XKR9: variants seen among roughly 807,000 people sequenced by gnomAD.
XKR9 encodes XK related 9.
Under a neutral mutation model 32.0 loss-of-function variants are expected in XKR9, and 32 were observed. The ratio of observed to expected loss-of-function variants is 1.00; its 90% CI spans 0.76 to 1.34. The LOEUF (loss-of-function observed/expected upper bound fraction) is 1.34. XKR9 is among the 40% of genes most tolerant of loss of function. The pLI is 0.00. For missense variants in XKR9, 546 were observed against 429.7 expected (o/e 1.27, Z -2.39); for synonymous variants, 168 against 143.4 (o/e 1.17, Z -1.22).
the XKR9 span, among the ~76,000 whole-genome samples, chr8:71,044,963 T>G: frequency 6.6e-6 from 1 of 152,210 alleles, no homozygotes; most frequent in African/African-American, 2.4e-5. Context: ...ATTTATAGAA[T>G]AATGGGATTT....
intron 3 of XKR9, among the ~76,000 whole-genome samples, chr8:70,700,435 G>T (rs1805478083): frequency 6.6e-6 from 1 of 152,164 alleles, no homozygotes; most frequent in Admixed American, 6.5e-5. Flanking sequence ...GTTGGAGTTT[G>T]CTAGAGGTCC....
chr8:70,711,963 C>T (rs1252311310), intron 4 of XKR9, among the ~76,000 whole-genome samples: 4 of 151,586 alleles, frequency 2.6e-5, no homozygotes, highest in South Asian at 4.2e-4. Flanking sequence ...AACCTGCACA[C>T]GTACCCCTTG....
At chr8:71,005,626 G>A in the XKR9 span, among the ~76,000 whole-genome samples, 1 of 152,182 alleles carries the variant, frequency 6.6e-6, no homozygotes, top group Non-Finnish European at 1.5e-5. Flanking sequence ...ATGTCTAGAA[G>A]TGGAAAATAT....
intron 2 of XKR9, among the ~76,000 whole-genome samples, chr8:70,765,558 C>G (rs1419982810): frequency 6.6e-6 from 1 of 152,098 alleles, no homozygotes; most frequent in Non-Finnish European, 1.5e-5. Context: ...CTTTCCTGTT[C>G]TGTAGGTTGC....
At chr8:70,931,029 T>A in the XKR9 span, among the ~76,000 whole-genome samples, 1 of 152,168 alleles carries the variant, frequency 6.6e-6, no homozygotes, top group African/African-American at 2.4e-5. Context: ...TTAATTACTC[T>A]TGGTAGTAGA....
intron 2 of XKR9, among the ~76,000 whole-genome samples, chr8:70,741,095 G>T (rs1029521157): frequency 6.6e-6 from 1 of 152,272 alleles, no homozygotes; most frequent in Non-Finnish European, 1.5e-5. Flanking sequence ...AGGCAGGCAG[G>T]CCTCCTTGAG....
intron 1 of XKR9, among the ~76,000 whole-genome samples, chr8:70,673,166 A>G (rs1818773499): frequency 2.0e-5 from 3 of 152,096 alleles, no homozygotes; most frequent in South Asian, 2.1e-4. Context: ...TTTTACCAAT[A>G]TTTTCTTCTA....
chr8:70,688,725 T>TC (rs1819402377), intron 3 of XKR9, among the ~76,000 whole-genome samples: 1 of 151,784 alleles, frequency 6.6e-6, no homozygotes, highest in African/African-American at 2.4e-5. Flanking sequence ...CTTTTTTTTT[T>TC]TTTTGAAATT....
the XKR9 span, among the ~76,000 whole-genome samples, chr8:70,843,737 C>A: frequency 6.6e-6 from 1 of 152,150 alleles, no homozygotes; most frequent in Non-Finnish European, 1.5e-5. Context: ...GCAGCTTTTG[C>A]AGGCCCTAGG....
the XKR9 span, among the ~76,000 whole-genome samples, chr8:70,961,222 A>G: frequency 0.15 from 22,345 of 152,114 alleles, 2,130 homozygotes; most frequent in Middle Eastern, 0.22. Context: ...TGGAAAGTCA[A>G]GTCAGAAAGG....
At chr8:70,698,869 CTGTATTGGGTGCA>C (rs1462055743) in intron 3 of XKR9, among the ~76,000 whole-genome samples, 1 of 152,116 alleles carries the variant, frequency 6.6e-6, no homozygotes, top group Non-Finnish European at 1.5e-5. Context: ...CTGGGTGCTC[CTGTATTGGGTGCA>C]TATATATTTA....
chr8:70,811,329 G>T, the XKR9 span, among the ~76,000 whole-genome samples: 1 of 152,086 alleles, frequency 6.6e-6, no homozygotes, highest in Admixed American at 6.5e-5. Flanking sequence ...ATGCCCACAA[G>T]AGAAAGCAGG....
the XKR9 span, among the ~76,000 whole-genome samples, chr8:70,851,857 C>T: frequency 5.3e-5 from 8 of 152,186 alleles, no homozygotes; most frequent in Non-Finnish European, 1.0e-4. Context: ...CTATACCATT[C>T]AGAGCATAGG....
intron 2 of XKR9, among the ~76,000 whole-genome samples, chr8:70,754,509 A>C (rs1807188965): frequency 7.0e-6 from 1 of 143,118 alleles, no homozygotes. Context: ...ACCTGACTTC[A>C]AACTATACTA....
intron 2 of XKR9, among the ~76,000 whole-genome samples, chr8:70,776,183 C>A (rs1211316091): frequency 6.6e-6 from 1 of 152,074 alleles, no homozygotes; most frequent in Non-Finnish European, 1.5e-5. Context: ...CAAGTGAAGT[C>A]ATCTGAGTTT....
At chr8:70,700,408 C>A (rs1805477328) in intron 3 of XKR9, among the ~76,000 whole-genome samples, 1 of 152,196 alleles carries the variant, frequency 6.6e-6, no homozygotes, top group Non-Finnish European at 1.5e-5. Flanking sequence ...ACAGACAGGA[C>A]CCTCAGCTGC....
At chr8:70,837,890 A>G in the XKR9 span, among the ~76,000 whole-genome samples, 5 of 152,248 alleles carry the variant, frequency 3.3e-5, no homozygotes, top group Admixed American at 3.3e-4. Context: ...ACTAATATTG[A>G]TGTTGAATGA....
chr8:70,976,123 C>T, the XKR9 span, among the ~76,000 whole-genome samples: 1 of 152,178 alleles, frequency 6.6e-6, no homozygotes, highest in South Asian at 2.1e-4. Flanking sequence ...AGTTGCTTAT[C>T]AGCTTAAGGA....
the XKR9 span, among the ~76,000 whole-genome samples, chr8:70,983,441 C>T: frequency 6.6e-6 from 1 of 152,168 alleles, no homozygotes; most frequent in Admixed American, 6.5e-5. Context: ...GCACTGTGCT[C>T]ATTAAGCTCT....
Sources: gnomAD v4.1 joint callset for allele counts (sites outside exome capture counted in the v4.1 genomes callset) on GRCh38, gnomAD v4.1.1 for gene constraint, MANE v1.5 for transcripts, NCBI Gene and HGNC (gene_info 2026-07-23, HGNC 2026-07-21) for gene names.